The following LCT variants were observed in gnomAD, a reference collection of about 807,000 sequenced individuals.
LCT encodes lactase, also known as lactase/phlorizin hydrolase.
Under a neutral mutation model 173.0 loss-of-function variants are expected in LCT, and 90 were observed. That is an observed-to-expected ratio of 0.52 (90% CI 0.44 to 0.62). The LOEUF (loss-of-function observed/expected upper bound fraction) is 0.62, where lower values mean the gene tolerates loss of function less well. LCT is among the 20% of genes least tolerant of loss of function. LCT has a pLI of 0.00. For synonymous variants in LCT, 853 were observed against 957.6 expected (o/e 0.89, Z 2.02); for missense variants, 1,864 against 2,431.4 (o/e 0.77, Z 4.91).
chr2:135,810,858 C>G (rs1357070702), intron 7 of LCT, among the ~76,000 whole-genome samples: 1 of 151,768 alleles, frequency 6.6e-6, no homozygotes, highest in East Asian at 1.9e-4. Flanking sequence ...AAACCTGTCT[C>G]TACTAAAAAT....
intron 6 of LCT, among the ~76,000 whole-genome samples, chr2:135,813,889 C>G (rs1157614126): frequency 6.6e-6 from 1 of 152,202 alleles, no homozygotes; most frequent in Non-Finnish European, 1.5e-5. Flanking sequence ...CTCTTACAAA[C>G]AGCAACAGCT....
chr2:135,823,965 T>C lies in LCT; in HGVS notation c.843A>G (p.Leu281=). Residue 281 remains leucine, a synonymous_variant, in exon 4 of 17, where the codon CTA becomes CTG. Transcript: ENST00000264162. ...EPKVKVFIFN[L]KLPDCPSTMK... ...TGGTGGAGGGGCAGTCTGGGAGTTTTAGGTTGAAGATGAAAACTTTCACTT... is the reference window on the plus strand; with the variant it reads ...TGGTGGAGGGGCAGTCTGGGAGTTTCAGGTTGAAGATGAAAACTTTCACTT... 6.2e-7 allele frequency: 1 copy of C among 1,614,078 alleles called. No individual in the cohort carries two copies. The highest frequency in any genetic ancestry group is 8.5e-7 in the Non-Finnish European group (1 of 1,179,960).
intron 5 of LCT, among the ~76,000 whole-genome samples, chr2:135,818,400 A>G (rs1199883082): frequency 6.6e-6 from 1 of 152,230 alleles, no homozygotes; most frequent in African/African-American, 2.4e-5. Flanking sequence ...AATAATAACA[A>G]TGACTCCAAT....
intron 10 of LCT, among the ~76,000 whole-genome samples, chr2:135,804,338 C>T (rs919133108): frequency 3.3e-5 from 5 of 152,170 alleles, no homozygotes; most frequent in African/African-American, 1.2e-4. Context: ...GAAGGAAACT[C>T]TTTTATGCTT....
chr2:135,824,918 G>A (rs1039389786), intron 3 of LCT, among the ~76,000 whole-genome samples: 7 of 150,248 alleles, frequency 4.7e-5, no homozygotes, highest in Middle Eastern at 3.2e-3. Context: ...CAGGAGAATC[G>A]CTCGAACTCA....
chr2:135,824,017 G>A lies in LCT; in HGVS notation c.805-14C>T. On this transcript the variant is annotated splice_polypyrimidine_tract_variant and intron_variant, in intron 3 of 16. Coordinates refer to ENST00000264162, the MANE Select transcript of LCT (RefSeq NM_002299.4). ...TGGCTCAATGGTCTGAAAAAGAGAA[G>A]GACCAGCAAGTGAACTGAAGCCTCC... The A allele has an allele frequency of 6.4e-7, 1 of 1,562,686 alleles. No individual in the cohort carries two copies. The highest frequency in any genetic ancestry group is 8.8e-7 in the Non-Finnish European group (1 of 1,133,078).
intron 14 of LCT, among the ~76,000 whole-genome samples, chr2:135,793,161 T>G (rs2077546729): frequency 6.6e-6 from 1 of 152,134 alleles, no homozygotes; most frequent in Admixed American, 6.5e-5. Flanking sequence ...ATAACCAGCG[T>G]TTGAGAAAAC....
chr2:135,830,943 C>T lies in LCT; in HGVS notation c.721-1267G>A, dbSNP rs903139368. ...AGGGTTAGCAAATGCACCAATCACA[C>T]GAGGAGAAGACAGAAATTTAGAAGT... On this transcript the variant is annotated intron_variant, in intron 2 of 16. Coordinates refer to ENST00000264162, the MANE Select transcript of LCT (RefSeq NM_002299.4). Among the ~76,000 whole-genome samples, 8 of 152,240 alleles carry T rather than the reference C, an allele frequency of 5.3e-5. 1 individual carries two copies. The highest frequency in any genetic ancestry group is 2.1e-4 in the South Asian group (1 of 4,836).
chr2:135,790,578 A>G lies in LCT; in HGVS notation c.5335+80T>C. The G allele has an allele frequency of 1.1e-6, 1 of 896,444 alleles. No individual in the cohort carries two copies. The highest frequency in any genetic ancestry group is 1.4e-5 in the South Asian group (1 of 71,292). The allele number at this position is 896,444 out of a possible 1,614,324, so 55.5% of individuals were successfully genotyped here. ...GTTCTCTTCTTACTGTGGCCCAAGG[A>G]CGCTGTATCACACTCCTGCAAATAG... On this transcript the variant is annotated intron_variant, in intron 15 of 16. Coordinates refer to ENST00000264162, the MANE Select transcript of LCT (RefSeq NM_002299.4). The surrounding 1 kb of genome is among the most constrained non-coding windows in gnomAD (Gnocchi z 4.1).
Position 135,809,891 on chromosome 2 carries a change from T to C in LCT, c.2456A>G (p.His819Arg). The change falls in exon 8 of 17, where the codon CAC becomes CGC. Residue 819 changes from histidine to arginine, a missense_variant. Transcript: ENST00000264162. This position sits in a 1 kb window ranked among gnomAD's most constrained non-coding sequence, Gnocchi z 5.5. ...SGYSQRFGLH[H>R]VNFSDSSKSR... Reference sequence around the variant, plus strand: ...CTTGCTGCTGTCGCTGAAGTTGACGTGGTGCAGGCCAAACCGCTGGCTGTA... The same window carrying C: ...CTTGCTGCTGTCGCTGAAGTTGACGCGGTGCAGGCCAAACCGCTGGCTGTA... 6.2e-7 allele frequency: 1 copy of C among 1,614,194 alleles called. No individual in the cohort carries two copies. The highest frequency in any genetic ancestry group is 8.5e-7 in the Non-Finnish European group (1 of 1,180,018).
chr2:135,793,012 C>G (rs1482934913), intron 14 of LCT, among the ~76,000 whole-genome samples: 1 of 152,138 alleles, frequency 6.6e-6, no homozygotes, highest in Non-Finnish European at 1.5e-5. Flanking sequence ...GGAGACCAAC[C>G]AACTCACGCC....
intron 13 of LCT, among the ~76,000 whole-genome samples, chr2:135,795,220 T>A (rs1201153328): frequency 1.3e-5 from 2 of 152,186 alleles, no homozygotes; most frequent in African/African-American, 4.8e-5. Context: ...ATAATTTTTT[T>A]TTTTTGTGGC....
chr2:135,834,621 C>G (rs1251884574), intron 1 of LCT, among the ~76,000 whole-genome samples: 1 of 150,100 alleles, frequency 6.7e-6, no homozygotes, highest in Non-Finnish European at 1.5e-5. Flanking sequence ...AACCCCATCT[C>G]TACTAAAAAT....
In LCT at chr2:135,833,206, G is replaced by A; in HGVS notation, c.641-16C>T. On this transcript the variant is annotated splice_polypyrimidine_tract_variant and intron_variant, in intron 1 of 16. Transcript: ENST00000264162. ...AGTTTTCCGCCTGAAACCAACCAGA[G>A]ACACGAACAGCAGGTGAGCGAGGGC... 1.2e-6 allele frequency: 2 copies of A among 1,603,212 alleles called. No homozygotes were observed. Among genetic ancestry groups the A allele is most frequent in the Non-Finnish European group, 1.7e-6 (2 of 1,170,586 alleles).
intron 6 of LCT, among the ~76,000 whole-genome samples, chr2:135,815,890 G>C (rs1172800020): frequency 6.6e-6 from 1 of 152,012 alleles, no homozygotes. Context: ...GTAGAGACAG[G>C]ATTTCACCAT....
In LCT at chr2:135,788,205, AGCAGGACTT is replaced by A; in HGVS notation, c.*110_*118del. 1 of 775,296 alleles carries A rather than the reference AGCAGGACTT, an allele frequency of 1.3e-6. No homozygotes were observed. The highest frequency in any genetic ancestry group is 2.3e-6 in the Non-Finnish European group (1 of 436,704). The allele number at this position is 775,296 out of a possible 1,614,324, so 48.0% of individuals were successfully genotyped here. On this transcript the variant is annotated 3_prime_UTR_variant, in exon 17 of 17. Coordinates refer to ENST00000264162, the MANE Select transcript of LCT (RefSeq NM_002299.4). ...AGATTAAAGTCATCTCTAACGGTGCAGCAGGACTTTATGGAGAAGTCCAGTATCAGCAGA... is the reference window on the plus strand; with the variant it reads ...AGATTAAAGTCATCTCTAACGGTGCATATGGAGAAGTCCAGTATCAGCAGA...
At chr2:135,829,445 G>A in intron 3 of LCT, 148 bp downstream of exon 3, 1 of 722,116 alleles carries the variant, frequency 1.4e-6, no homozygotes, top group Non-Finnish European at 2.5e-6. Flanking sequence ...AGGGATGCTT[G>A]CAATGGAAAT....
At position 135,800,801 on chromosome 2, in the gene LCT, T is replaced by C. The variant is rs781547936; in HGVS notation, c.4672A>G (p.Asn1558Asp). ...ATGTAGGGGGCAGTGCCAGGCCTAT[T>C]GGAGACTCCTGGAAACATACACATG... ...GYGTAAPGVS[N>D]RPGTAPYIVG... Residue 1558 changes from asparagine to aspartate, a missense_variant, in exon 12 of 17, where the codon AAT becomes GAT. Physicochemically the swap from Asn to Asp is conservative, Grantham distance 23. Around this residue, in one of 4 missense-constraint regions of LCT, gnomAD observed 514 missense variants for 750.1 expected, o/e 0.69. Coordinates refer to ENST00000264162, the MANE Select transcript of LCT (RefSeq NM_002299.4). 1.2e-6 allele frequency: 2 copies of C among 1,612,568 alleles called. No individual in the cohort carries two copies. Among genetic ancestry groups the C allele is most frequent in the Non-Finnish European group, 1.7e-6 (2 of 1,178,770 alleles).
intron 9 of LCT, among the ~76,000 whole-genome samples, chr2:135,805,518 C>T (rs1306571334): frequency 1.3e-5 from 2 of 152,192 alleles, no homozygotes; most frequent in Non-Finnish European, 2.9e-5. Flanking sequence ...TAAAACCATC[C>T]TATTTTCTGT....
Sources: gnomAD v4.1 joint callset for allele counts (sites outside exome capture counted in the v4.1 genomes callset) on GRCh38, gnomAD v4.1.1 for gene constraint, gnomAD v4.1.1 regional missense constraint, Gnocchi (gnomAD v3.1) non-coding constraint, MANE v1.5 for transcripts, NCBI Gene and HGNC (gene_info 2026-07-23, HGNC 2026-07-21) for gene names.